CACNA2D3: variants seen among roughly 807,000 people sequenced by gnomAD.
CACNA2D3 encodes the protein calcium voltage-gated channel auxiliary subunit alpha2delta 3, also known as voltage-dependent calcium channel subunit alpha-2/delta-3.
A neutral mutation model predicts 160.6 loss-of-function variants in CACNA2D3; 60 were observed. The ratio of observed to expected loss-of-function variants is 0.37; its 90% CI spans 0.30 to 0.46. CACNA2D3 has a LOEUF of 0.46. CACNA2D3 is among the 20% of genes least tolerant of loss of function. The pLI, the probability that CACNA2D3 is intolerant of heterozygous loss-of-function variation, is 1.00. For missense variants in CACNA2D3, 1,205 were observed against 1,365.0 expected (o/e 0.88, Z 1.85); for synonymous variants, 558 against 492.9 (o/e 1.13, Z -1.75).
chr3:55,000,357 C>T (rs932514058), intron 31 of CACNA2D3, among the ~76,000 whole-genome samples: 3 of 152,164 alleles, frequency 2.0e-5, no homozygotes, highest in African/African-American at 7.2e-5. Flanking sequence ...TATTTTGTAA[C>T]CTCGTCAATG....
At chr3:54,757,966 A>G (rs1394943240) in intron 12 of CACNA2D3, among the ~76,000 whole-genome samples, 2 of 152,238 alleles carry the variant, frequency 1.3e-5, no homozygotes, top group African/African-American at 4.8e-5. Flanking sequence ...ACTCTTACAT[A>G]TCTCTCTTCA....
At chr3:54,283,000 C>G (rs140211819) in intron 2 of CACNA2D3, among the ~76,000 whole-genome samples, 10 of 152,244 alleles carry the variant, frequency 6.6e-5, no homozygotes, top group African/African-American at 2.2e-4. Context: ...CTTGAGGGTA[C>G]ATTTCCCTTT....
intron 25 of CACNA2D3, among the ~76,000 whole-genome samples, chr3:54,895,539 G>A (rs1193959766): frequency 2.0e-5 from 3 of 152,204 alleles, no homozygotes; most frequent in Non-Finnish European, 4.4e-5. Context: ...CCTGAACTGG[G>A]TGCCAAGTTC....
chr3:54,784,197 C>T (rs13070262), intron 13 of CACNA2D3, among the ~76,000 whole-genome samples: 35,727 of 151,978 alleles, frequency 0.24, 4,286 homozygotes, highest in Admixed American at 0.29. Context: ...CCAAGGTGTC[C>T]GGAAGGCAGG....
At chr3:54,237,357 G>A (rs1701898280) in intron 2 of CACNA2D3, among the ~76,000 whole-genome samples, 1 of 151,930 alleles carries the variant, frequency 6.6e-6, no homozygotes, top group Admixed American at 6.6e-5. Context: ...CAGAGGAGAG[G>A]GTAAAACTTG....
Position 54,661,838 on chromosome 3 carries a change from A to ATGTGTG in CACNA2D3, c.1167+19599_1167+19604dup, listed in dbSNP as rs780111250. ...TATGGTTCACACAGACATCTCAGGG[A>ATGTGTG]TGTGTGTATGTGTGTGTGTGTGTGT... On this transcript the variant is annotated intron_variant, in intron 11 of 37. Transcript: ENST00000474759. 7.6e-4 allele frequency among the ~76,000 whole-genome samples: 111 copies of ATGTGTG among 146,822 alleles called. 3 individuals are homozygous for ATGTGTG. The East Asian group carries it at 0.013, about 17-fold the overall frequency.
At position 54,901,722 on chromosome 3, in the gene CACNA2D3, T is replaced by C. The variant is rs17054527; in HGVS notation, c.2449+1854T>C. ...CGTATTTAGTCCTTACCTTTTAGAA[T>C]TGGTGACTGTTACCCTTTTTCAAAC... On this transcript the variant is annotated intron_variant, in intron 27 of 37. Coordinates refer to ENST00000474759, the MANE Select transcript of CACNA2D3 (RefSeq NM_018398.3). Among the ~76,000 whole-genome samples the C allele has an allele frequency of 9.7e-3, 1,478 of 152,308 alleles. 34 individuals are homozygous for C. Among genetic ancestry groups the C allele is most frequent in the African/African-American group, 0.033 (1,357 of 41,574 alleles).
intron 16 of CACNA2D3, among the ~76,000 whole-genome samples, chr3:54,842,503 C>T (rs1472477342): frequency 1.3e-5 from 2 of 152,126 alleles, no homozygotes; most frequent in African/African-American, 4.8e-5. Flanking sequence ...AGTGAGGTGG[C>T]CCCTTTCCCA....
intron 4 of CACNA2D3, among the ~76,000 whole-genome samples, chr3:54,392,695 G>A (rs1043268631): frequency 6.6e-6 from 1 of 152,132 alleles, no homozygotes; most frequent in Non-Finnish European, 1.5e-5. Flanking sequence ...AATAAAGACT[G>A]TTGGTGGGAA....
intron 12 of CACNA2D3, among the ~76,000 whole-genome samples, chr3:54,757,459 A>G (rs1701995733): frequency 6.6e-6 from 1 of 152,202 alleles, no homozygotes; most frequent in Non-Finnish European, 1.5e-5. Flanking sequence ...CCCCCAAAAG[A>G]TAGCTTCACA....
chr3:54,132,344 G>T (rs918943385), intron 2 of CACNA2D3, among the ~76,000 whole-genome samples: 15 of 152,276 alleles, frequency 9.9e-5, no homozygotes, highest in South Asian at 4.1e-4. Context: ...ACCAATAAAG[G>T]GTGTTTGTGT....
chr3:54,456,464 G>A (rs181998856), intron 4 of CACNA2D3, among the ~76,000 whole-genome samples: 12 of 151,952 alleles, frequency 7.9e-5, no homozygotes, highest in African/African-American at 2.9e-4. Context: ...AGTTTTGGTG[G>A]AGTCTTTAGG....
At chr3:54,137,235 C>T (rs1207713518) in intron 2 of CACNA2D3, among the ~76,000 whole-genome samples, 1 of 152,184 alleles carries the variant, frequency 6.6e-6, no homozygotes, top group African/African-American at 2.4e-5. Context: ...TGGAGCAAGT[C>T]AGACATTTTA....
chr3:54,895,906 C>A (rs1035005547), intron 25 of CACNA2D3, among the ~76,000 whole-genome samples: 6 of 152,116 alleles, frequency 3.9e-5, no homozygotes, highest in African/African-American at 1.4e-4. Flanking sequence ...CAAATGTGAA[C>A]AAATCTCCTG....
intron 2 of CACNA2D3, among the ~76,000 whole-genome samples, chr3:54,316,838 T>G (rs538114459): frequency 6.6e-6 from 1 of 152,296 alleles, no homozygotes; most frequent in South Asian, 2.1e-4. Context: ...AGAAGTCTAT[T>G]GGGAGAGAAA....
chr3:54,833,260 C>A (rs994953577), intron 14 of CACNA2D3, among the ~76,000 whole-genome samples: 16 of 152,316 alleles, frequency 1.1e-4, no homozygotes, highest in African/African-American at 3.1e-4. Flanking sequence ...ACCACAACCA[C>A]AGGTTTCAGA....
At chr3:54,687,121 C>CTTTTTTTTTTTTCTTTTTTTTT (rs1700466973) in intron 11 of CACNA2D3, among the ~76,000 whole-genome samples, 1 of 94,934 alleles carries the variant, frequency 1.1e-5, no homozygotes, top group Non-Finnish European at 2.1e-5. Context: ...TTTTCTTTTT[C>CTTTTTTTTTTTTCTTTTTTTTT]TTTTTTTTTT....
At chr3:54,641,438 A>G (rs915361468) in intron 10 of CACNA2D3, among the ~76,000 whole-genome samples, 1 of 152,178 alleles carries the variant, frequency 6.6e-6, no homozygotes, top group Non-Finnish European at 1.5e-5. Flanking sequence ...GAAGCCTCTA[A>G]GTGGCAGGCT....
chr3:54,212,620 A>C (rs1701395944), intron 2 of CACNA2D3, among the ~76,000 whole-genome samples: 1 of 151,990 alleles, frequency 6.6e-6, no homozygotes, highest in African/African-American at 2.4e-5. Flanking sequence ...AAAAGGGAGG[A>C]GGGTATAATG....
Sources: gnomAD v4.1 joint callset for allele counts (sites outside exome capture counted in the v4.1 genomes callset) on GRCh38, gnomAD v4.1.1 for gene constraint, MANE v1.5 for transcripts, NCBI Gene and HGNC (gene_info 2026-07-23, HGNC 2026-07-21) for gene names.